ZEB2: variants seen among roughly 807,000 people sequenced by gnomAD.
ZEB2 encodes zinc finger E-box-binding homeobox 2.
In ZEB2, 6 loss-of-function variants were observed where a neutral mutation model predicts 99.9. That is an observed-to-expected ratio of 0.06 (90% CI 0.03 to 0.12). The LOEUF is 0.12. Ranked by LOEUF, ZEB2 falls within the 10% of genes least tolerant of loss-of-function variation. The pLI is 1.00. For missense variants in ZEB2, 969 were observed against 1,502.8 expected, an observed-to-expected ratio of 0.64 and a Z score of 5.87; for synonymous variants, 517 against 542.5, an observed-to-expected ratio of 0.95 and a Z score of 0.65.
chr2:144,430,082 ACC>A, intron 2 of ZEB2, 56 bp from the exon 3 acceptor site: 1 of 1,603,472 alleles, frequency 6.2e-7, no homozygotes, highest in Non-Finnish European at 8.5e-7. Context: ...AACATCAGCC[ACC>A]CCTAATTGTT....
intron 2 of ZEB2, among the ~76,000 whole-genome samples, chr2:144,432,014 A>C (rs1282309271): frequency 6.6e-6 from 1 of 152,010 alleles, no homozygotes; most frequent in African/African-American, 2.4e-5. Flanking sequence ...AAAAAAAAAA[A>C]AACCCATGCC....
chr2:144,452,094 C>T (rs1017793713), intron 2 of ZEB2, among the ~76,000 whole-genome samples: 4 of 152,174 alleles, frequency 2.6e-5, no homozygotes, highest in South Asian at 2.1e-4. Context: ...TCCACTCACT[C>T]GTACTGTATC....
chr2:144,502,380 T>C (rs1377009037), intron 2 of ZEB2, among the ~76,000 whole-genome samples: 1 of 152,200 alleles, frequency 6.6e-6, no homozygotes, highest in Non-Finnish European at 1.5e-5. Flanking sequence ...GTTTGGAAGT[T>C]TCTAAAAGTG....
intron 2 of ZEB2, among the ~76,000 whole-genome samples, chr2:144,501,197 C>T (rs529284578): frequency 1.3e-5 from 2 of 152,272 alleles, no homozygotes; most frequent in African/African-American, 4.8e-5. Context: ...ATACCCTAGC[C>T]TAATGTCACA....
At chr2:144,413,182 A>G (rs757366647) in intron 4 of ZEB2, among the ~76,000 whole-genome samples, 3 of 152,220 alleles carry the variant, frequency 2.0e-5, no homozygotes, top group Non-Finnish European at 4.4e-5. Context: ...TAAAAACTCA[A>G]AACAACACAG....
At chr2:144,411,597 C>T (rs1017248397) in intron 4 of ZEB2, among the ~76,000 whole-genome samples, 1 of 152,162 alleles carries the variant, frequency 6.6e-6, no homozygotes, top group African/African-American at 2.4e-5. Flanking sequence ...TGGGCGGCCT[C>T]GCAGAGCCTC....
At chr2:144,435,660 T>C (rs1313679220) in intron 2 of ZEB2, among the ~76,000 whole-genome samples, 2 of 152,000 alleles carry the variant, frequency 1.3e-5, no homozygotes, top group African/African-American at 2.4e-5. Context: ...TTCCTAAATC[T>C]CTTATGCTTA....
intron 8 of ZEB2, chr2:144,397,803 G>C (rs1406832383): frequency 7.6e-6 from 2 of 263,076 alleles, no homozygotes; most frequent in East Asian, 2.3e-4. Context: ...ACTACACCCA[G>C]CTAATTTTTG....
At chr2:144,436,458 T>A (rs1703838628) in intron 2 of ZEB2, among the ~76,000 whole-genome samples, 1 of 152,108 alleles carries the variant, frequency 6.6e-6, no homozygotes, top group South Asian at 2.1e-4. Context: ...TGTAAAAAAA[T>A]ACGCATATTA....
chr2:144,513,141 C>G, intron 2 of ZEB2: 2 of 1,285,770 alleles, frequency 1.6e-6, no homozygotes, highest in South Asian at 2.5e-5. Context: ...CATTTTCTTT[C>G]CTTTTCATTT....
intron 2 of ZEB2, among the ~76,000 whole-genome samples, chr2:144,452,020 G>A (rs545162235): frequency 2.0e-5 from 3 of 152,170 alleles, no homozygotes; most frequent in Non-Finnish European, 4.4e-5. Flanking sequence ...TGAAGACTGC[G>A]TGGTCACCTC....
chr2:144,511,290 G>T lies in ZEB2; in HGVS notation c.73+5988C>A. On this transcript the variant is annotated intron_variant, in intron 2 of 9. Transcript: ENST00000627532. ...AACGGAAAGAAGAGAAAAGCCAAAA[G>T]ATACACGCATGGATGGCTTTTCTTC... 4.0e-6 allele frequency: 3 copies of T among 742,200 alleles called. No individual in the cohort carries two copies. The South Asian group carries it at 7.8e-5, about 19-fold the overall frequency. The allele number at this position is 742,200 out of a possible 1,614,324, so 46.0% of individuals were successfully genotyped here.
intron 9 of ZEB2, among the ~76,000 whole-genome samples, chr2:144,394,989 CT>C (rs869207772): frequency 0.063 from 5,404 of 85,320 alleles, 55 homozygotes; most frequent in Non-Finnish European, 0.08. Flanking sequence ...CTTCCCTTCG[CT>C]TTTTTTTTTT....
chr2:144,493,270 T>C (rs893603464), intron 2 of ZEB2, among the ~76,000 whole-genome samples: 1 of 152,220 alleles, frequency 6.6e-6, no homozygotes, highest in Non-Finnish European at 1.5e-5. Flanking sequence ...CCTGGCATCC[T>C]GATTAGTCAC....
chr2:144,405,907 A>G (rs1309187151), intron 4 of ZEB2, among the ~76,000 whole-genome samples: 3 of 152,254 alleles, frequency 2.0e-5, no homozygotes, highest in Non-Finnish European at 4.4e-5. Context: ...GATGTGGCTT[A>G]GCTATCATAA....
In ZEB2 at chr2:144,398,192, C is replaced by A. The variant is rs1321688072; in HGVS notation, c.2886+109G>T. The A allele has an allele frequency of 4.2e-6, 6 of 1,435,696 alleles. No individual in the cohort carries two copies. In the East Asian group the frequency reaches 9.9e-5, roughly 24 times the overall value. 88.9% of individuals were successfully genotyped at this position (1,435,696 alleles called of 1,614,324 possible). A position where few individuals can be genotyped will look rare whatever the true frequency, so the allele number is the denominator to read the frequency against. Reference sequence around the variant, plus strand: ...TTTTAGGTTCATGTTAAAGCAAACTCTTCTGTTTCTGCTGAGTTTTTTCAC... The same window carrying A: ...TTTTAGGTTCATGTTAAAGCAAACTATTCTGTTTCTGCTGAGTTTTTTCAC... On this transcript the variant is annotated intron_variant, in intron 8 of 9. Transcript: ENST00000627532.
intron 1 of ZEB2, chr2:144,518,382 G>C (rs1453994834): frequency 6.6e-6 from 1 of 152,194 alleles, no homozygotes; most frequent in Non-Finnish European, 1.5e-5. Context: ...GAGAGGAGGA[G>C]AATCCTGAAA....
intron 2 of ZEB2, chr2:144,512,944 TCATC>T (rs1363207067): frequency 5.4e-6 from 7 of 1,287,048 alleles, no homozygotes; most frequent in Non-Finnish European, 7.1e-6. Flanking sequence ...CCCTAGAAGC[TCATC>T]AACTTTACGA....
rs1360979536 is a variant in ZEB2, at chr2:144,389,561, T to C, written c.3535A>G (p.Ile1179Val). 1.9e-6 allele frequency: 3 copies of C among 1,614,070 alleles called. No individual in the cohort carries two copies. The South Asian group carries it at 3.3e-5, about 18-fold the overall frequency. ...NKSMDTDPET[I>V]RDEEETGDHS... ...TCTCCAGTCTCTTCTTCATCTCGTA[T>C]CGTTTCGGGATCCGTATCCATACTT... is the stretch of plus-strand genomic sequence containing the variant. The change falls in exon 10 of 10, where the codon ATA becomes GTA. Residue 1179 changes from isoleucine (I) to valine (V), a missense_variant. Around this residue, in one of 8 missense-constraint regions of ZEB2, gnomAD observed 121 missense variants for 166.4 expected, o/e 0.73. Coordinates refer to ENST00000627532, the MANE Select transcript of ZEB2 (RefSeq NM_014795.4). The surrounding 1 kb of genome is among the most constrained non-coding windows in gnomAD (Gnocchi z 6.8).
Sources: gnomAD v4.1 joint callset for allele counts (sites outside exome capture counted in the v4.1 genomes callset) on GRCh38, gnomAD v4.1.1 for gene constraint, gnomAD v4.1.1 regional missense constraint, Gnocchi (gnomAD v3.1) non-coding constraint, MANE v1.5 for transcripts, NCBI Gene and HGNC (gene_info 2026-07-23, HGNC 2026-07-21) for gene names.